Variants in CORO7 observed in about 807,000 individuals in gnomAD.
CORO7 encodes coronin 7.
A neutral mutation model predicts 126.6 loss-of-function variants in CORO7; 107 were observed. The ratio of observed to expected loss-of-function variants is 0.85; its 90% CI spans 0.72 to 0.99. The LOEUF (loss-of-function observed/expected upper bound fraction) is 0.99. Ranked by LOEUF, CORO7 falls within the 50% of genes least tolerant of loss-of-function variation. The pLI is 0.00. For missense variants in CORO7, 1,314 were observed against 1,255.8 expected (o/e 1.05, Z -0.70); for synonymous variants, 603 against 536.8 (o/e 1.12, Z -1.70).
chr16:4,381,962 G>A lies in CORO7; in HGVS notation c.785+6024C>T, dbSNP rs577026361. The stretch of plus-strand genomic sequence containing the variant: ...ACCACAGCCACAGTGCCCACCACGA[G>A]GCCCGTGGTGCGGGAGCCCACAGCC... On this transcript the variant is annotated intron_variant, in intron 9 of 27. Coordinates refer to ENST00000251166, the MANE Select transcript of CORO7 (RefSeq NM_024535.5). The A allele has an allele frequency of 5.5e-5, 89 of 1,608,580 alleles. No individual in the cohort carries two copies. The highest frequency in any genetic ancestry group is 3.3e-4 in the Admixed American group (20 of 59,776).
chr16:4,366,095 A>AC (rs994470853), intron 9 of CORO7, among the ~76,000 whole-genome samples: 29 of 151,300 alleles, frequency 1.9e-4, no homozygotes, highest in Middle Eastern at 3.4e-3. Context: ...AAGCTCAGAG[A>AC]CCCCCCCATG....
At position 4,376,286 on chromosome 16, in the gene CORO7, C is replaced by T. The variant is rs541522593; in HGVS notation, c.786-10741G>A. On this transcript the variant is annotated intron_variant, in intron 9 of 27. Transcript: ENST00000251166. ...ACACGTCAGCGAAACTGGAGCCAGC[C>T]GTCCTGGCCGCCGGCACAGTCCCGC... Among the ~76,000 whole-genome samples, 20 of 152,324 alleles carry T rather than the reference C, an allele frequency of 1.3e-4. 1 individual carries two copies. In the South Asian group the frequency reaches 3.5e-3, roughly 27 times the overall value.
chr16:4,369,627 T>C (rs1411838061), intron 9 of CORO7, among the ~76,000 whole-genome samples: 1 of 152,176 alleles, frequency 6.6e-6, no homozygotes, highest in African/African-American at 2.4e-5. Flanking sequence ...CCAGGACTCC[T>C]GTGATTAGCA....
intron 3 of CORO7, among the ~76,000 whole-genome samples, chr16:4,410,126 C>CA (rs113275563): frequency 2.4e-3 from 369 of 152,208 alleles, no homozygotes; most frequent in African/African-American, 8.5e-3. Flanking sequence ...TAAAAAGCAT[C>CA]AAAAAGTCAA....
chr16:4,387,942 T>C lies in CORO7; in HGVS notation c.785+44A>G, dbSNP rs754485975. On this transcript the variant is annotated intron_variant, in intron 9 of 27. Transcript: ENST00000251166. ...TCAGGTGCCCTCACCTGCGGCGCCT[T>C]GGGTCATCAGCCCCCCAGCCCACCT... 3.1e-6 allele frequency: 5 copies of C among 1,608,376 alleles called. No homozygotes were observed. The Admixed American group carries it at 8.4e-5, about 27-fold the overall frequency.
At chr16:4,380,325 A>G (rs1436423182) in intron 9 of CORO7, among the ~76,000 whole-genome samples, 2 of 152,200 alleles carry the variant, frequency 1.3e-5, no homozygotes, top group African/African-American at 2.4e-5. Context: ...TGACTGCCCA[A>G]GTGGAAAAAC....
chr16:4,408,034 G>T, intron 4 of CORO7, 147 bp downstream of exon 4: 1 of 1,273,770 alleles, frequency 7.9e-7, no homozygotes, highest in African/African-American at 1.5e-5. Context: ...TGTGGGACCA[G>T]GAATTCAGAC....
intron 9 of CORO7, among the ~76,000 whole-genome samples, chr16:4,379,882 A>C (rs76813694): frequency 3.5e-4 from 50 of 143,538 alleles, no homozygotes; most frequent in East Asian, 3.0e-3. Flanking sequence ...GTCTCTACTA[A>C]AAAAAAAAAA....
chr16:4,393,064 G>C (rs572829263), intron 7 of CORO7, among the ~76,000 whole-genome samples: 2 of 152,362 alleles, frequency 1.3e-5, no homozygotes, highest in African/African-American at 4.8e-5. Context: ...GGAGGGGAGA[G>C]GAGGAGGAAG....
At chr16:4,413,681 G>T (rs1299925643) in intron 1 of CORO7, among the ~76,000 whole-genome samples, 1 of 151,972 alleles carries the variant, frequency 6.6e-6, no homozygotes, top group African/African-American at 2.4e-5. Flanking sequence ...GGGATTACAG[G>T]CGCCCAACAC....
At chr16:4,384,626 G>A (rs1026943995) in intron 9 of CORO7, among the ~76,000 whole-genome samples, 4 of 152,218 alleles carry the variant, frequency 2.6e-5, no homozygotes, top group Non-Finnish European at 5.9e-5. Flanking sequence ...TGTCAGTGCC[G>A]AGTCAGGCCC....
chr16:4,386,196 G>A (rs1187134151), intron 9 of CORO7, among the ~76,000 whole-genome samples: 1 of 152,224 alleles, frequency 6.6e-6, no homozygotes, highest in Admixed American at 6.5e-5. Flanking sequence ...ACCCATCTGG[G>A]AGTGATTTGA....
chr16:4,367,247 T>G (rs533406835), intron 9 of CORO7, among the ~76,000 whole-genome samples: 1 of 152,230 alleles, frequency 6.6e-6, no homozygotes, highest in African/African-American at 2.4e-5. Context: ...GACCACTGCT[T>G]GTAGAGGTGG....
intron 23 of CORO7, chr16:4,358,993 T>A (rs1270458316): frequency 6.4e-6 from 3 of 466,798 alleles, no homozygotes; most frequent in Admixed American, 8.0e-5. Context: ...CCCAGGCTGG[T>A]CTTGAACTCC....
chr16:4,382,755 A>T, intron 9 of CORO7: 1 of 1,560,476 alleles, frequency 6.4e-7, no homozygotes, highest in Non-Finnish European at 8.7e-7. Context: ...AACTGGAGGG[A>T]GTGAAGGTCC....
At position 4,354,667 on chromosome 16, in the gene CORO7, C is replaced by T. The variant is rs560612467; in HGVS notation, c.*491G>A. ...ATGCCCCCTTCTCCTGGCTACAAAC[C>T]TGGGAAGTAGGGCAGCTGGTCCCAG... On this transcript the variant is annotated 3_prime_UTR_variant, in exon 28 of 28. Transcript: ENST00000251166. 5.9e-6 allele frequency: 1 copy of T among 168,496 alleles called. No homozygotes were observed. Among genetic ancestry groups the T allele is most frequent in the African/African-American group, 2.4e-5 (1 of 42,240 alleles). The allele number at this position is 168,496 out of a possible 1,614,324, so 10.4% of individuals were successfully genotyped here.
In CORO7 at chr16:4,388,397, CTG is replaced by C; in HGVS notation, c.702+146_702+147del. On this transcript the variant is annotated intron_variant, in intron 8 of 27. Transcript: ENST00000251166. ...CAGCAGCCGTCAGTCCCCTGAGGCT[CTG>C]AGACCCGGCAGCACAGCCAGGCCGT... 15 of 899,042 alleles carry C rather than the reference CTG, an allele frequency of 1.7e-5. No individual in the cohort carries two copies. The South Asian group carries it at 1.7e-4, about 10-fold the overall frequency. The allele number at this position is 899,042 out of a possible 1,614,324, so 55.7% of individuals were successfully genotyped here.
intron 6 of CORO7, among the ~76,000 whole-genome samples, chr16:4,400,677 G>A (rs1052456731): frequency 7.9e-5 from 12 of 151,728 alleles, no homozygotes; most frequent in East Asian, 3.9e-4. Flanking sequence ...AAAAGTAGCC[G>A]GGTGTGGTGG....
chr16:4,377,215 ACCC>A (rs999065164), intron 9 of CORO7, among the ~76,000 whole-genome samples: 1 of 151,266 alleles, frequency 6.6e-6, no homozygotes, highest in Non-Finnish European at 1.5e-5. Context: ...TCATCTTCCC[ACCC>A]CCCGACGTCC....
Sources: gnomAD v4.1 joint callset for allele counts (sites outside exome capture counted in the v4.1 genomes callset) on GRCh38, gnomAD v4.1.1 for gene constraint, MANE v1.5 for transcripts, NCBI Gene and HGNC (gene_info 2026-07-23, HGNC 2026-07-21) for gene names.